NRP2: variants seen among roughly 807,000 people sequenced by gnomAD.
NRP2 encodes the protein neuropilin-2.
In NRP2, 52 loss-of-function variants were observed where a neutral mutation model predicts 110.4. The ratio of observed to expected loss-of-function variants is 0.47; its 90% CI spans 0.38 to 0.59. The LOEUF is 0.59. Ranked by LOEUF, NRP2 falls within the 20% of genes least tolerant of loss-of-function variation. The pLI is 0.00. For synonymous variants in NRP2, 508 were observed against 468.9 expected (o/e 1.08, Z -1.08); for missense variants, 1,049 against 1,203.0 (o/e 0.87, Z 1.89).
At chr2:205,793,014 A>G (rs1328482160) in intron 16 of NRP2, among the ~76,000 whole-genome samples, 2 of 152,234 alleles carry the variant, frequency 1.3e-5, no homozygotes, top group Non-Finnish European at 2.9e-5. Flanking sequence ...TAAGAGGAAC[A>G]GTTTATAGAG....
chr2:205,719,783 A>G (rs76928574), intron 3 of NRP2, among the ~76,000 whole-genome samples: 2,490 of 152,246 alleles, frequency 0.016, 69 homozygotes, highest in African/African-American at 0.057. Flanking sequence ...CTTGATACCT[A>G]TAGATTCTTC....
intron 13 of NRP2, 145 bp downstream of exon 13, chr2:205,764,081 T>C: frequency 9.5e-7 from 1 of 1,054,964 alleles, no homozygotes; most frequent in Non-Finnish European, 1.4e-6. Context: ...CACTCTTATT[T>C]GTTATTCAGA....
At position 205,763,588 on chromosome 2, in the gene NRP2, A is replaced by G. The variant is rs2057859706; in HGVS notation, c.2045-86A>G. On this transcript the variant is annotated intron_variant, in intron 12 of 16. Coordinates refer to ENST00000357785, the MANE Select transcript of NRP2 (RefSeq NM_003872.3). The surrounding 1 kb of genome is among the most constrained non-coding windows in gnomAD (Gnocchi z 4.0). ...CCAAAGACACCGAAACTCAGTCCCA[A>G]CTTTCCCTTGGAGAGGCCACAGCAG... is the stretch of plus-strand genomic sequence containing the variant. The G allele has an allele frequency of 1.3e-6, 2 of 1,581,712 alleles. No homozygotes were observed. Among genetic ancestry groups the G allele is most frequent in the Admixed American group, 1.7e-5 (1 of 59,994 alleles).
In NRP2 at chr2:205,686,047, C is replaced by T. The variant is rs2056151707; in HGVS notation, c.73+2684C>T. 6.6e-6 allele frequency among the ~76,000 whole-genome samples: 1 copy of T among 152,200 alleles called. No homozygotes were observed. The highest frequency in any genetic ancestry group is 6.5e-5 in the Admixed American group (1 of 15,286). On this transcript the variant is annotated intron_variant, in intron 1 of 16. Transcript: ENST00000357785. The surrounding 1 kb of genome is among the most constrained non-coding windows in gnomAD (Gnocchi z 4.7). ...CTCCTCCTAGCCCTCCCTCCCCTTC[C>T]CCGCCCCCCAGCGCCTTCTCTAACG...
chr2:205,711,086 C>T (rs773962130), intron 2 of NRP2, among the ~76,000 whole-genome samples: 14 of 152,166 alleles, frequency 9.2e-5, no homozygotes, highest in Non-Finnish European at 1.9e-4. Context: ...TGTTGGGGCA[C>T]AAAGACAGAG....
intron 15 of NRP2, among the ~76,000 whole-genome samples, chr2:205,781,052 C>G (rs2058168384): frequency 6.6e-6 from 1 of 152,154 alleles, no homozygotes; most frequent in Admixed American, 6.6e-5. Flanking sequence ...AAACAAAGAC[C>G]CAGGCTCAGT....
chr2:205,791,673 A>G (rs1046853114), intron 15 of NRP2, among the ~76,000 whole-genome samples: 2 of 152,242 alleles, frequency 1.3e-5, no homozygotes, highest in African/African-American at 4.8e-5. Context: ...GGGAAGGATG[A>G]GAAATATTAG....
At chr2:205,726,299 G>C (rs2057126909) in intron 6 of NRP2, among the ~76,000 whole-genome samples, 1 of 152,188 alleles carries the variant, frequency 6.6e-6, no homozygotes, top group Admixed American at 6.5e-5. Context: ...CCCTTGTGGG[G>C]ATTACTGGGC....
chr2:205,726,158 T>C (rs2057124773), intron 6 of NRP2, 76 bp downstream of exon 6: 27 of 1,429,184 alleles, frequency 1.9e-5, no homozygotes, highest in Admixed American at 8.6e-5. Flanking sequence ...TCAAATACAG[T>C]AGGCAGAGGA....
chr2:205,737,668 G>A (rs142290784), intron 7 of NRP2, among the ~76,000 whole-genome samples: 5 of 152,346 alleles, frequency 3.3e-5, no homozygotes, highest in Non-Finnish European at 7.3e-5. Flanking sequence ...CAGGAACTAG[G>A]CTTGGAAACG....
At chr2:205,706,434 A>G (rs974907206) in intron 2 of NRP2, among the ~76,000 whole-genome samples, 6 of 152,284 alleles carry the variant, frequency 3.9e-5, no homozygotes, top group Non-Finnish European at 4.4e-5. Flanking sequence ...CTTGGAGCAG[A>G]AGGATTCGTG....
chr2:205,727,382 C>A (rs1364234187), intron 6 of NRP2, among the ~76,000 whole-genome samples: 1 of 152,192 alleles, frequency 6.6e-6, no homozygotes. Flanking sequence ...ACTCTACATG[C>A]CCTTTGACCC....
intron 15 of NRP2, among the ~76,000 whole-genome samples, chr2:205,775,933 T>C (rs796613513): frequency 2.0e-4 from 30 of 152,362 alleles, no homozygotes; most frequent in African/African-American, 6.7e-4. Context: ...TGTGTAATTC[T>C]ACCATTCTTG....
At chr2:205,788,850 C>T (rs1353324646) in intron 15 of NRP2, among the ~76,000 whole-genome samples, 1 of 152,188 alleles carries the variant, frequency 6.6e-6, no homozygotes, top group African/African-American at 2.4e-5. Flanking sequence ...CTTTATTTTC[C>T]AAAGTCATCA....
At chr2:205,775,000 C>G (rs1366557485) in intron 15 of NRP2, among the ~76,000 whole-genome samples, 2 of 152,088 alleles carry the variant, frequency 1.3e-5, no homozygotes, top group Non-Finnish European at 2.9e-5. Flanking sequence ...GGGGGACCAC[C>G]CTCTGCTCAC....
At chr2:205,733,024 G>A (rs1327644909) in intron 7 of NRP2, among the ~76,000 whole-genome samples, 1 of 152,108 alleles carries the variant, frequency 6.6e-6, no homozygotes, top group African/African-American at 2.4e-5. Context: ...GCTCTGAAGG[G>A]GGCTGATACC....
intron 15 of NRP2, chr2:205,768,371 T>G (rs1212351864): frequency 6.6e-6 from 1 of 152,218 alleles, no homozygotes; most frequent in Non-Finnish European, 1.5e-5. Flanking sequence ...AAGCTGTGGA[T>G]GTTGTTTCGC....
At chr2:205,733,781 G>A (rs1407220554) in intron 7 of NRP2, among the ~76,000 whole-genome samples, 4 of 145,336 alleles carry the variant, frequency 2.8e-5, no homozygotes, top group African/African-American at 7.8e-5. Flanking sequence ...CTCCTCCCCC[G>A]CCTGCTCTTC....
intron 7 of NRP2, among the ~76,000 whole-genome samples, chr2:205,735,539 A>G (rs2057327931): frequency 6.7e-6 from 1 of 149,520 alleles, no homozygotes; most frequent in African/African-American, 2.5e-5. Flanking sequence ...TCTATAATAT[A>G]TATTACATTG....
Sources: gnomAD v4.1 joint callset for allele counts (sites outside exome capture counted in the v4.1 genomes callset) on GRCh38, gnomAD v4.1.1 for gene constraint, Gnocchi (gnomAD v3.1) non-coding constraint, MANE v1.5 for transcripts, NCBI Gene and HGNC (gene_info 2026-07-23, HGNC 2026-07-21) for gene names.